RBM46: variants seen among roughly 807,000 people sequenced by gnomAD.
RBM46 encodes the protein RNA binding motif protein 46.
A neutral mutation model predicts 43.3 loss-of-function variants in RBM46; 12 were observed. That is an observed-to-expected ratio of 0.28 (90% CI 0.18 to 0.45). The LOEUF is 0.45. RBM46 is among the 20% of genes least tolerant of loss of function. The probability of loss-of-function intolerance (pLI) is 1.00; values close to 1 mark genes in which losing one functional copy is unlikely to be tolerated. For missense variants in RBM46, 412 were observed against 639.1 expected (o/e 0.64, Z 3.83); for synonymous variants, 205 against 207.6 (o/e 0.99, Z 0.11).
At chr4:154,824,350 G>A (rs1477187410) in intron 4 of RBM46, among the ~76,000 whole-genome samples, 1 of 152,078 alleles carries the variant, frequency 6.6e-6, no homozygotes, top group East Asian at 1.9e-4. Context: ...CCATTCCCAG[G>A]TATTGCCCCA....
At chr4:154,800,817 A>G (rs1734598035) in intron 4 of RBM46, among the ~76,000 whole-genome samples, 1 of 152,190 alleles carries the variant, frequency 6.6e-6, no homozygotes, top group Non-Finnish European at 1.5e-5. Flanking sequence ...ATGGTTGCAG[A>G]ACCATAGTAC....
intron 4 of RBM46, among the ~76,000 whole-genome samples, chr4:154,802,543 T>C (rs1734686954): frequency 6.6e-6 from 1 of 152,204 alleles, no homozygotes; most frequent in Non-Finnish European, 1.5e-5. Context: ...ATCAAATAGC[T>C]CAGAGTTGAG....
At position 154,797,723 on chromosome 4, in the gene RBM46, C is replaced by T. The variant is rs570084208; in HGVS notation, c.152-88C>T. 2.1e-5 allele frequency: 19 copies of T among 904,218 alleles called. No homozygotes were observed. In the South Asian group the frequency reaches 3.3e-4, roughly 16 times the overall value. 56.0% of individuals were successfully genotyped at this position (904,218 alleles called of 1,614,324 possible). A position where few individuals can be genotyped will look rare whatever the true frequency, so the allele number is the denominator to read the frequency against. ...CTAGAATTGTGAGTGGCACATAGCA[C>T]AGCAAATTTGTTGAATGAATATATG... On this transcript the variant is annotated intron_variant, in intron 2 of 4. Transcript: ENST00000281722.
intron 1 of RBM46, among the ~76,000 whole-genome samples, chr4:154,784,778 G>A (rs144896150): frequency 6.6e-6 from 1 of 152,310 alleles, no homozygotes; most frequent in East Asian, 1.9e-4. Flanking sequence ...TTTGTAGTGT[G>A]ACTTCACACC....
In RBM46 at chr4:154,797,873, A is replaced by G; in HGVS notation, c.214A>G (p.Met72Val). 1.3e-6 allele frequency: 2 copies of G among 1,589,804 alleles called. No homozygotes were observed. The highest frequency in any genetic ancestry group is 1.7e-6 in the Non-Finnish European group (2 of 1,170,328). The change falls in exon 3 of 5, where the codon ATG becomes GTG. Residue 72 changes from methionine to valine, a missense_variant. Around this residue, in one of 8 missense-constraint regions of RBM46, gnomAD observed 27 missense variants for 115.8 expected, o/e 0.23. Coordinates refer to ENST00000281722, the MANE Select transcript of RBM46 (RefSeq NM_144979.5). The stretch of plus-strand genomic sequence containing the variant: ...TTTTGTAGGAAAAATACCTCGTGAT[A>G]TGTATGAAGATGAGTTAGTTCCTGT... Reference protein sequence around the residue: ...EVFVGKIPRDMYEDELVPVFE... With the variant: ...EVFVGKIPRDVYEDELVPVFE...
At chr4:154,812,556 C>T (rs868431654) in intron 4 of RBM46, among the ~76,000 whole-genome samples, 2 of 152,162 alleles carry the variant, frequency 1.3e-5, no homozygotes, top group Non-Finnish European at 2.9e-5. Flanking sequence ...TATCTATTTC[C>T]TGGTCCCCTG....
At chr4:154,786,829 A>C (rs1287085209) in intron 1 of RBM46, among the ~76,000 whole-genome samples, 2 of 152,166 alleles carry the variant, frequency 1.3e-5, no homozygotes. Flanking sequence ...TGGGAGGCTG[A>C]GGAAGGAGAA....
chr4:154,800,612 C>T (rs562760254), intron 4 of RBM46, among the ~76,000 whole-genome samples: 75 of 149,290 alleles, frequency 5.0e-4, no homozygotes, highest in African/African-American at 1.8e-3. Flanking sequence ...AGCCTCCCCC[C>T]TCCTCCACCC....
intron 4 of RBM46, chr4:154,826,810 C>T: frequency 1.3e-6 from 2 of 1,498,086 alleles, no homozygotes; most frequent in Non-Finnish European, 1.8e-6. Context: ...TGCAGTTGAT[C>T]TCATTCCTGT....
Position 154,799,128 on chromosome 4 carries a change from G to T in RBM46, c.966G>T (p.Gln322His). The T allele has an allele frequency of 1.2e-6, 2 of 1,614,100 alleles. No individual in the cohort carries two copies. Among genetic ancestry groups the T allele is most frequent in the Non-Finnish European group, 1.7e-6 (2 of 1,180,006 alleles). The change falls in exon 4 of 5, where the codon CAG becomes CAT. Residue 322 changes from glutamine (Q) to histidine (H), a missense_variant. Physicochemically the swap from Gln to His is conservative, Grantham distance 24. Coordinates refer to ENST00000281722, the MANE Select transcript of RBM46 (RefSeq NM_144979.5). The stretch of plus-strand genomic sequence containing the variant: ...CTTGGAGACAGCATCTTAATGGTCA[G>T]ATTAGTCCAAATTCTGAAAATCTGA... Reference protein sequence around the residue: ...ENTWRQHLNGQISPNSENLIV... With the variant: ...ENTWRQHLNGHISPNSENLIV...
chr4:154,802,141 G>A (rs1396044812), intron 4 of RBM46, among the ~76,000 whole-genome samples: 1 of 152,152 alleles, frequency 6.6e-6, no homozygotes, highest in Non-Finnish European at 1.5e-5. Flanking sequence ...AAAGCCTGAG[G>A]TCTTGTCTAT....
chr4:154,798,948 T>G lies in RBM46; in HGVS notation c.786T>G (p.Gly262=). The G allele has an allele frequency of 6.2e-7, 1 of 1,613,742 alleles. No homozygotes were observed. The highest frequency in any genetic ancestry group is 8.5e-7 in the Non-Finnish European group (1 of 1,179,880). Residue 262 remains glycine (G), a synonymous_variant, in exon 4 of 5, where the codon GGT becomes GGG. Transcript: ENST00000281722. ...CAGAATTCAATAAATTTAAGCCTGG[T>G]GCAGTTGAACGGGTAAAGAAACTTA... ...IKAEFNKFKP[G]AVERVKKLRD...
intron 1 of RBM46, among the ~76,000 whole-genome samples, chr4:154,789,603 A>G (rs1733973731): frequency 6.6e-6 from 1 of 152,052 alleles, no homozygotes; most frequent in Non-Finnish European, 1.5e-5. Flanking sequence ...TTTTTGCATC[A>G]GTGTTCATCA....
intron 1 of RBM46, among the ~76,000 whole-genome samples, chr4:154,791,332 G>A (rs1560892326): frequency 6.6e-6 from 1 of 152,154 alleles, no homozygotes; most frequent in East Asian, 1.9e-4. Flanking sequence ...TGTTTTAAGG[G>A]ATGCCAGTTT....
chr4:154,822,796 G>T (rs1168103247), intron 4 of RBM46, among the ~76,000 whole-genome samples: 1 of 151,516 alleles, frequency 6.6e-6, no homozygotes, highest in Non-Finnish European at 1.5e-5. Context: ...AAAAAATCAG[G>T]TGTCTCATCC....
intron 1 of RBM46, among the ~76,000 whole-genome samples, chr4:154,790,792 G>A (rs1303913365): frequency 6.6e-6 from 1 of 152,184 alleles, no homozygotes; most frequent in Admixed American, 6.5e-5. Context: ...GCCATTTCAT[G>A]GATGGGACAA....
intron 4 of RBM46, among the ~76,000 whole-genome samples, chr4:154,804,704 C>G (rs1430435078): frequency 3.3e-5 from 5 of 151,374 alleles, no homozygotes; most frequent in Admixed American, 6.6e-5. Flanking sequence ...ACTTGTATGG[C>G]TATTGGAAAA....
At chr4:154,812,547 A>G (rs1245676823) in intron 4 of RBM46, among the ~76,000 whole-genome samples, 1 of 152,158 alleles carries the variant, frequency 6.6e-6, no homozygotes. Context: ...GTTTGTTTGT[A>G]TCTATTTCCT....
intron 4 of RBM46, among the ~76,000 whole-genome samples, chr4:154,815,865 T>C (rs1188315802): frequency 1.3e-5 from 2 of 152,044 alleles, no homozygotes; most frequent in Non-Finnish European, 2.9e-5. Context: ...ATGAAATATT[T>C]TCTTTATTAT....
Sources: gnomAD v4.1 joint callset for allele counts (sites outside exome capture counted in the v4.1 genomes callset) on GRCh38, gnomAD v4.1.1 for gene constraint, gnomAD v4.1.1 regional missense constraint, MANE v1.5 for transcripts, NCBI Gene and HGNC (gene_info 2026-07-23, HGNC 2026-07-21) for gene names.